INKA2: variants seen among roughly 807,000 people sequenced by gnomAD.
The protein encoded by INKA2 is PAK4-inhibitor INKA2.
INKA2 carries 3 observed loss-of-function variants against 9.8 expected under a neutral mutation model. The ratio of observed to expected loss-of-function variants is 0.31; its 90% CI spans 0.14 to 0.79. The LOEUF (loss-of-function observed/expected upper bound fraction) is 0.79, where lower values mean the gene tolerates loss of function less well. Among genes scored for constraint, INKA2 ranks in the 30% least tolerant of loss-of-function variants. The probability of loss-of-function intolerance (pLI) is 0.62; values close to 1 mark genes in which losing one functional copy is unlikely to be tolerated. For missense variants in INKA2, 392 were observed against 384.4 expected (o/e 1.02, Z -0.17); for synonymous variants, 147 against 143.3 (o/e 1.03, Z -0.18).
chr1:111,724,724 G>A lies in INKA2; in HGVS notation c.*2244C>T, dbSNP rs116891524. 0.02 allele frequency: 3,076 copies of A among 152,432 alleles called. 56 individuals carry two copies. Among genetic ancestry groups the A allele is most frequent in the East Asian group, 0.069 (355 of 5,174 alleles). The allele number at this position is 152,432 out of a possible 1,614,324, so 9.4% of individuals were successfully genotyped here. A position where few individuals can be genotyped will look rare whatever the true frequency, so the allele number is the denominator to read the frequency against. ...TCTGGGAAGACACAAAGGATTTGCA[G>A]TGGCTGGCTCCACCAGAGTGGGCTT... On this transcript the variant is annotated 3_prime_UTR_variant, in exon 2 of 2. Coordinates refer to ENST00000357260, the MANE Select transcript of INKA2 (RefSeq NM_019099.5).
intron 1 of INKA2, among the ~76,000 whole-genome samples, chr1:111,732,137 A>G (rs778516861): frequency 6.6e-6 from 1 of 152,178 alleles, no homozygotes; most frequent in East Asian, 1.9e-4. Context: ...TGACTAAGAG[A>G]GGAGCCAGCA....
chr1:111,732,568 T>TACACACACACAC (rs3085876), intron 1 of INKA2, among the ~76,000 whole-genome samples: 2,217 of 142,914 alleles, frequency 0.016, 35 homozygotes, highest in East Asian at 0.051. Context: ...CTCTCTCTGT[T>TACACACACACAC]ACACACACAC....
chr1:111,726,952 T>C lies in INKA2; in HGVS notation c.*16A>G. 6.2e-7 allele frequency: 1 copy of C among 1,605,780 alleles called. No homozygotes were observed. Among genetic ancestry groups the C allele is most frequent in the East Asian group, 2.2e-5 (1 of 44,706 alleles). On this transcript the variant is annotated 3_prime_UTR_variant, in exon 2 of 2. Coordinates refer to ENST00000357260, the MANE Select transcript of INKA2 (RefSeq NM_019099.5). ...CCTGGCCCTTTCAGGCTCAGTCAAC[T>C]TTCTGTCTCTAGGATTCAGACCCAA... is the stretch of plus-strand genomic sequence containing the variant.
chr1:111,745,294 T>TATATATATATATATATATA (rs372884823), intron 1 of INKA2: 2 of 35,906 alleles, frequency 5.6e-5, no homozygotes, highest in African/African-American at 1.5e-4. Context: ...TATATATATA[T>TATATATATATATATATATA]TTTTTTTTTT....
At chr1:111,742,387 C>T (rs961003471), upstream of INKA2, among the ~76,000 whole-genome samples, 4 of 152,092 alleles carry the variant, frequency 2.6e-5, no homozygotes, top group African/African-American at 9.7e-5. Flanking sequence ...GAGTTTGAGA[C>T]CAGCCTGGCT....
intron 1 of INKA2, chr1:111,745,287 ATATATATTT>A (rs1423314117): frequency 1.0e-4 from 5 of 50,050 alleles, no homozygotes; most frequent in African/African-American, 4.8e-4. Flanking sequence ...ATATATATAT[ATATATATTT>A]TTTTTTTTTT....
Position 111,728,038 on chromosome 1 carries a change from T to TACACAC in INKA2, c.58-240_58-235dup, listed in dbSNP as rs60867844. 6.3e-3 allele frequency among the ~76,000 whole-genome samples: 691 copies of TACACAC among 109,498 alleles called. 8 individuals are homozygous for TACACAC. Among genetic ancestry groups the TACACAC allele is most frequent in the South Asian group, 0.015 (55 of 3,602 alleles). The allele number at this position is 109,498 out of a possible 152,430, so 71.8% of individuals were successfully genotyped here. ...GTCCTGAGAAGGCTCCCCCACCCCATACACACACACACACACACACACACA... is the reference window on the plus strand; with the variant it reads ...GTCCTGAGAAGGCTCCCCCACCCCATACACACACACACACACACACACACACACACA... On this transcript the variant is annotated intron_variant, in intron 1 of 1. Transcript: ENST00000357260.
Position 111,727,812 on chromosome 1 carries a change from G to GGA in INKA2, c.58-10_58-9dup. On this transcript the variant is annotated splice_polypyrimidine_tract_variant and intron_variant, in intron 1 of 1. Transcript: ENST00000357260. ...CACCTCCTTCATGGACATCTGCAGG[G>GGA]GAGAGAGAAAGCATGGGGCCTATGA... is the stretch of plus-strand genomic sequence containing the variant. 6.2e-7 allele frequency: 1 copy of GGA among 1,601,836 alleles called. No individual in the cohort carries two copies. The highest frequency in any genetic ancestry group is 1.1e-5 in the South Asian group (1 of 91,070).
At chr1:111,730,826 A>G (rs1662889666) in intron 1 of INKA2, among the ~76,000 whole-genome samples, 1 of 152,194 alleles carries the variant, frequency 6.6e-6, no homozygotes, top group South Asian at 2.1e-4. Context: ...GAACCTCGCT[A>G]GCACCTGGCA....
In INKA2 at chr1:111,727,482, C is replaced by A; in HGVS notation, c.380G>T (p.Ser127Ile). 3 of 1,614,238 alleles carry A rather than the reference C, an allele frequency of 1.9e-6. No individual in the cohort carries two copies. In the African/African-American group the frequency reaches 4.0e-5, roughly 22 times the overall value. The change falls in exon 2 of 2, where the codon AGC (serine) becomes ATC (isoleucine). Residue 127 changes from serine (S) to isoleucine (I), a missense_variant. Transcript: ENST00000357260. The stretch of plus-strand genomic sequence containing the variant: ...TCGCTCTGGCCCCTGCTGAGCACAG[C>A]TTTGATGTGGCTGTGTCCTGGGCAA... The part of the protein sequence containing the change: ...APLPRTQPHQ[S>I]CAQQGPERVE...
chr1:111,741,321 C>T (rs1663146435), upstream of INKA2, among the ~76,000 whole-genome samples: 2 of 152,214 alleles, frequency 1.3e-5, no homozygotes, highest in Admixed American at 6.5e-5. Context: ...ATGGGCTGAA[C>T]TTGGTCGGTG....
intron 1 of INKA2, among the ~76,000 whole-genome samples, chr1:111,729,195 T>C (rs1393114890): frequency 6.6e-6 from 1 of 152,186 alleles, no homozygotes; most frequent in East Asian, 1.9e-4. Context: ...TGGGGTTTCC[T>C]GCAATTGCTG....
chr1:111,751,337 G>A (rs1456938651), intron 1 of INKA2, among the ~76,000 whole-genome samples: 2 of 152,178 alleles, frequency 1.3e-5, no homozygotes, highest in Admixed American at 6.5e-5. Flanking sequence ...TCTCTCCCAC[G>A]ACAGCCACAC....
intron 1 of INKA2, chr1:111,746,880 T>G (rs1663285737): frequency 6.6e-6 from 1 of 152,224 alleles, no homozygotes; most frequent in African/African-American, 2.4e-5. Context: ...CCACATCCTC[T>G]CGGTCATTCC....
At chr1:111,751,321 T>C (rs1168536687) in intron 1 of INKA2, among the ~76,000 whole-genome samples, 1 of 152,216 alleles carries the variant, frequency 6.6e-6, no homozygotes, top group Non-Finnish European at 1.5e-5. Context: ...TCTCAGAAGT[T>C]CTCACTCTCT....
chr1:111,752,940 C>T (rs368636165), intron 1 of INKA2, among the ~76,000 whole-genome samples: 1 of 152,106 alleles, frequency 6.6e-6, no homozygotes, highest in East Asian at 1.9e-4. Flanking sequence ...CCTTGTGATC[C>T]GCCCACCTCG....
Position 111,727,017 on chromosome 1 carries a change from A to G in INKA2, c.845T>C (p.Leu282Pro). 6.2e-7 allele frequency: 1 copy of G among 1,614,006 alleles called. No individual in the cohort carries two copies. Among genetic ancestry groups the G allele is most frequent in the Non-Finnish European group, 8.5e-7 (1 of 1,180,002 alleles). ...ATCAAATCCTGAGGGTGAGTGCTCCAGGGCCTTGGGGCAGCTTGTGGGGGG... is the reference window on the plus strand; with the variant it reads ...ATCAAATCCTGAGGGTGAGTGCTCCGGGGCCTTGGGGCAGCTTGTGGGGGG... Reference protein sequence around the residue: ...ENPPTSCPKALEHSPSGFDIN... With the variant: ...ENPPTSCPKAPEHSPSGFDIN... The change falls in exon 2 of 2, where the codon CTG becomes CCG. Residue 282 changes from leucine (L) to proline (P), a missense_variant. Transcript: ENST00000357260.
At chr1:111,738,621 G>A (rs1036919150) in intron 1 of INKA2, among the ~76,000 whole-genome samples, 3 of 152,132 alleles carry the variant, frequency 2.0e-5, no homozygotes, top group African/African-American at 7.2e-5. Flanking sequence ...AGCCGGCCAA[G>A]CCTGCCCCCG....
intron 1 of INKA2, among the ~76,000 whole-genome samples, chr1:111,750,362 A>G (rs1663378897): frequency 6.6e-6 from 1 of 152,220 alleles, no homozygotes; most frequent in Admixed American, 6.5e-5. Context: ...CCACGTTGGG[A>G]GGTAGCCAGC....
Sources: gnomAD v4.1 joint callset for allele counts (sites outside exome capture counted in the v4.1 genomes callset) on GRCh38, gnomAD v4.1.1 for gene constraint, MANE v1.5 for transcripts, NCBI Gene and HGNC (gene_info 2026-07-23, HGNC 2026-07-21) for gene names.